The following LARGE1 variants were observed in gnomAD, a reference collection of about 807,000 sequenced individuals.
LARGE1 encodes the protein xylosyl- and glucuronyltransferase LARGE1.
LARGE1 carries 43 observed loss-of-function variants against 87.6 expected under a neutral mutation model. That is an observed-to-expected ratio of 0.49 (90% CI 0.38 to 0.63). The LOEUF (loss-of-function observed/expected upper bound fraction) is 0.63, where lower values mean the gene tolerates loss of function less well. Ranked by LOEUF, LARGE1 falls within the 30% of genes least tolerant of loss-of-function variation. The pLI is 0.00. For synonymous variants in LARGE1, 434 were observed against 394.6 expected (o/e 1.10, Z -1.18); for missense variants, 802 against 1,000.2 (o/e 0.80, Z 2.67).
chr22:33,798,397 C>T (rs867331760), intron 1 of LARGE1, among the ~76,000 whole-genome samples: 2 of 152,204 alleles, frequency 1.3e-5, no homozygotes, highest in South Asian at 4.1e-4. Flanking sequence ...ACATACTCTG[C>T]ATTTCCCTCT....
intron 4 of LARGE1, among the ~76,000 whole-genome samples, chr22:33,619,554 C>CAAAAAAAAAAAAAAA (rs553269111): frequency 1.7e-5 from 1 of 59,104 alleles, no homozygotes; most frequent in Non-Finnish European, 3.9e-5. Context: ...GACTCTGTCT[C>CAAAAAAAAAAAAAAA]AAAAAAAAAA....
intron 1 of LARGE1, among the ~76,000 whole-genome samples, chr22:33,798,328 C>G (rs1047015054): frequency 2.0e-5 from 3 of 149,088 alleles, no homozygotes; most frequent in African/African-American, 7.3e-5. Context: ...AATGAAGTAC[C>G]TAGATATTAA....
intron 2 of LARGE1, among the ~76,000 whole-genome samples, chr22:33,705,378 G>C (rs2082530642): frequency 6.6e-6 from 1 of 152,144 alleles, no homozygotes; most frequent in Admixed American, 6.5e-5. Flanking sequence ...GGAGTTAAAG[G>C]ATACGCACAA....
In LARGE1 at chr22:33,763,704, C is replaced by T. The variant is rs186354968; in HGVS notation, c.-82-2146G>A. Among the ~76,000 whole-genome samples, 3 of 152,148 alleles carry T rather than the reference C, an allele frequency of 2.0e-5. No individual in the cohort carries two copies. The East Asian group carries it at 5.8e-4, about 29-fold the overall frequency. ...ATTCATCTATAAATTAAGATGATAC[C>T]CTTTATCTTGGAGGGTTGCTTTGAG... On this transcript the variant is annotated intron_variant, in intron 1 of 14. Coordinates refer to ENST00000397394, the MANE Select transcript of LARGE1 (RefSeq NM_133642.5).
In LARGE1 at chr22:33,606,193, C is replaced by T. The variant is rs1043286003; in HGVS notation, c.492-1635G>A. Among the ~76,000 whole-genome samples the T allele has an allele frequency of 8.5e-5, 13 of 152,218 alleles. No individual in the cohort carries two copies. In the East Asian group the frequency reaches 1.2e-3, roughly 14 times the overall value. ...GGCCAAGGTGGGTAGATAATGAGAT[C>T]AGGAGATCGAGACCATCCTGGGTAA... is the stretch of plus-strand genomic sequence containing the variant. On this transcript the variant is annotated intron_variant, in intron 4 of 14. Coordinates refer to ENST00000397394, the MANE Select transcript of LARGE1 (RefSeq NM_133642.5).
intron 9 of LARGE1, among the ~76,000 whole-genome samples, chr22:33,368,198 A>T (rs113604245): frequency 0.012 from 1,781 of 152,278 alleles, 22 homozygotes; most frequent in African/African-American, 0.035. Context: ...AATCTTCTAT[A>T]GTCTTAGTAA....
intron 1 of LARGE1, among the ~76,000 whole-genome samples, chr22:33,793,790 T>G (rs940111870): frequency 1.3e-5 from 2 of 149,746 alleles, no homozygotes; most frequent in Non-Finnish European, 3.0e-5. Context: ...CCCCCCAACT[T>G]TTTTTTTTTC....
rs2095200949 is a variant in LARGE1, at chr22:33,828,333, A to G, written c.-82-66775T>C. Reference sequence around the variant, plus strand: ...TAAAGAATCCAGGGCATCCTGAGAGAGTCCTCTTCAAGGAAGGCAGACAGA... The same window carrying G: ...TAAAGAATCCAGGGCATCCTGAGAGGGTCCTCTTCAAGGAAGGCAGACAGA... On this transcript the variant is annotated intron_variant, in intron 1 of 14. Transcript: ENST00000397394. Among the ~76,000 whole-genome samples the G allele has an allele frequency of 3.9e-5, 6 of 152,262 alleles. No homozygotes were observed. The South Asian group carries it at 1.2e-3, about 31-fold the overall frequency.
intron 6 of LARGE1, among the ~76,000 whole-genome samples, chr22:33,555,209 A>C (rs927577731): frequency 2.0e-5 from 3 of 152,150 alleles, no homozygotes; most frequent in African/African-American, 7.2e-5. Context: ...ATGATGTGCA[A>C]ATGCAATTTT....
chr22:33,781,418 C>T (rs111819723), intron 1 of LARGE1, among the ~76,000 whole-genome samples: 11,524 of 152,108 alleles, frequency 0.076, 531 homozygotes, highest in Admixed American at 0.11. Context: ...GGAGAATCAC[C>T]TGAACCTGGG....
At chr22:33,917,694 A>G (rs1250806779) in intron 1 of LARGE1, among the ~76,000 whole-genome samples, 1 of 152,212 alleles carries the variant, frequency 6.6e-6, no homozygotes, top group African/African-American at 2.4e-5. Context: ...TAGAGATTAT[A>G]ACTGAGTCTT....
chr22:33,511,993 T>G (rs537353502), intron 6 of LARGE1, among the ~76,000 whole-genome samples: 1 of 152,308 alleles, frequency 6.6e-6, no homozygotes, highest in South Asian at 2.1e-4. Context: ...GACCATACAG[T>G]TGTTTTTTGT....
chr22:33,407,812 C>T (rs1277644057), intron 7 of LARGE1, among the ~76,000 whole-genome samples: 1 of 152,068 alleles, frequency 6.6e-6, no homozygotes, highest in African/African-American at 2.4e-5. Context: ...GACTCTGTTG[C>T]AACTACTTAA....
intron 5 of LARGE1, among the ~76,000 whole-genome samples, chr22:33,585,307 A>G (rs1341213733): frequency 1.3e-5 from 2 of 152,164 alleles, no homozygotes; most frequent in African/African-American, 4.8e-5. Context: ...CAGATTCCCT[A>G]CTGAGAAGGC....
At chr22:33,628,191 C>G (rs545178053) in intron 3 of LARGE1, among the ~76,000 whole-genome samples, 10 of 152,302 alleles carry the variant, frequency 6.6e-5, no homozygotes, top group African/African-American at 2.2e-4. Flanking sequence ...AGGCACTGTG[C>G]TTCATATTAC....
chr22:33,748,235 G>A (rs537338488), intron 2 of LARGE1, among the ~76,000 whole-genome samples: 2 of 151,016 alleles, frequency 1.3e-5, no homozygotes, highest in African/African-American at 2.4e-5. Flanking sequence ...GGGTTCAAGC[G>A]ATTCCCCTGC....
intron 1 of LARGE1, among the ~76,000 whole-genome samples, chr22:33,909,044 A>G (rs1323881219): frequency 2.0e-5 from 3 of 152,180 alleles, no homozygotes; most frequent in Admixed American, 6.5e-5. Flanking sequence ...TATAACCCTG[A>G]GCCCATTTGA....
the LARGE1 span, among the ~76,000 whole-genome samples, chr22:33,151,987 A>G: frequency 7.9e-5 from 12 of 151,332 alleles, no homozygotes; most frequent in African/African-American, 2.9e-4. Flanking sequence ...ATTTTCTGGA[A>G]GTGATTGTAT....
intron 5 of LARGE1, among the ~76,000 whole-genome samples, chr22:33,584,929 C>T (rs1165835699): frequency 6.6e-6 from 1 of 152,118 alleles, no homozygotes. Flanking sequence ...CCAGCCTGGC[C>T]AACATGGTGA....
Sources: allele counts gnomAD v4.1 joint callset (sites outside exome capture counted in the v4.1 genomes callset), GRCh38; gene constraint gnomAD v4.1.1; transcripts MANE v1.5; gene names NCBI Gene and HGNC (gene_info 2026-07-23, HGNC 2026-07-21).